Variants in OXR1 observed in about 807,000 individuals in gnomAD.
OXR1 encodes oxidation resistance protein 1.
OXR1 carries 41 observed loss-of-function variants against 104.6 expected under a neutral mutation model. That is an observed-to-expected ratio of 0.39 (90% confidence interval 0.31 to 0.51). OXR1 has a LOEUF of 0.51. Among genes scored for constraint, OXR1 ranks in the 20% least tolerant of loss-of-function variants. The pLI is 0.77. For synonymous variants in OXR1, 348 were observed against 348.4 expected (o/e 1.00, Z 0.01); for missense variants, 955 against 1,031.9 (o/e 0.93, Z 1.02).
chr8:106,529,287 C>T (rs1813919812), intron 3 of OXR1, among the ~76,000 whole-genome samples: 3 of 151,868 alleles, frequency 2.0e-5, no homozygotes, highest in South Asian at 2.1e-4. Context: ...TTGTTGGGGG[C>T]GATATTTGAT....
chr8:106,599,300 T>C (rs1381349679), intron 3 of OXR1, among the ~76,000 whole-genome samples: 1 of 152,170 alleles, frequency 6.6e-6, no homozygotes, highest in African/African-American at 2.4e-5. Flanking sequence ...ACCAGAGTAG[T>C]TTAAAAGTGT....
intron 3 of OXR1, among the ~76,000 whole-genome samples, chr8:106,549,689 G>T (rs1488150553): frequency 6.6e-6 from 1 of 152,164 alleles, no homozygotes; most frequent in Non-Finnish European, 1.5e-5. Flanking sequence ...GCTGCTTCCT[G>T]ATTCATAGAT....
intron 2 of OXR1, among the ~76,000 whole-genome samples, chr8:106,437,426 T>G (rs938303452): frequency 6.6e-6 from 1 of 152,182 alleles, no homozygotes; most frequent in Non-Finnish European, 1.5e-5. Context: ...TCTTACCTTA[T>G]AAGACTGCAC....
chr8:106,732,192 T>C (rs953751524), intron 11 of OXR1, among the ~76,000 whole-genome samples: 1 of 152,132 alleles, frequency 6.6e-6, no homozygotes, highest in Admixed American at 6.5e-5. Flanking sequence ...ATTGCTGATA[T>C]AAAGACCATT....
intron 3 of OXR1, among the ~76,000 whole-genome samples, chr8:106,524,245 AC>A (rs1813483404): frequency 6.6e-6 from 1 of 152,326 alleles, no homozygotes; most frequent in Non-Finnish European, 1.5e-5. Context: ...TTATTTCACT[AC>A]CCTTCATTCA....
At chr8:106,750,727 T>G in intron 16 of OXR1, 79 bp from the exon 17 acceptor site, 1 of 972,348 alleles carries the variant, frequency 1.0e-6, no homozygotes, top group South Asian at 1.7e-5. Context: ...TTTAGGGTTG[T>G]TAGGTATTCA....
chr8:106,737,275 T>C (rs1834468034), intron 11 of OXR1, among the ~76,000 whole-genome samples: 1 of 152,092 alleles, frequency 6.6e-6, no homozygotes, highest in African/African-American at 2.4e-5. Flanking sequence ...TGAATCTATA[T>C]GGAATAGTCC....
intron 11 of OXR1, among the ~76,000 whole-genome samples, chr8:106,721,472 CAG>C (rs1251084340): frequency 1.3e-5 from 2 of 152,020 alleles, no homozygotes; most frequent in Non-Finnish European, 2.9e-5. Context: ...GGGTGTGTAA[CAG>C]TATTTTTCAT....
intron 3 of OXR1, among the ~76,000 whole-genome samples, chr8:106,608,108 C>A (rs1820541415): frequency 6.6e-6 from 1 of 152,076 alleles, no homozygotes; most frequent in Non-Finnish European, 1.5e-5. Context: ...GCAGTGAGAC[C>A]CTCATCTCTA....
chr8:106,740,331 T>C lies in OXR1; in HGVS notation c.2164-12T>C, dbSNP rs950798260. ...AGCTATCAAGTAAATACTAACACTT[T>C]GTTTTCTAAAGCTTACCAAGCATCT... On this transcript the variant is annotated splice_polypyrimidine_tract_variant and intron_variant, in intron 13 of 16. Coordinates refer to ENST00000517566, the MANE Select transcript of OXR1 (RefSeq NM_001198533.2). The C allele has an allele frequency of 2.5e-6, 4 of 1,605,470 alleles. No individual in the cohort carries two copies. The highest frequency in any genetic ancestry group is 3.4e-5 in the Admixed American group (2 of 58,332).
chr8:106,746,813 C>T (rs1010190123), intron 16 of OXR1, among the ~76,000 whole-genome samples: 1 of 152,074 alleles, frequency 6.6e-6, no homozygotes. Flanking sequence ...TCATTCAGCC[C>T]TCCCCTAAAC....
chr8:106,709,330 G>A (rs1831467458), intron 9 of OXR1, among the ~76,000 whole-genome samples: 2 of 151,922 alleles, frequency 1.3e-5, no homozygotes, highest in African/African-American at 4.8e-5. Context: ...GGCTTTAAAG[G>A]CCCTAAAATT....
At chr8:106,329,716 C>T (rs530461710) in intron 1 of OXR1, among the ~76,000 whole-genome samples, 2 of 152,272 alleles carry the variant, frequency 1.3e-5, no homozygotes, top group South Asian at 4.1e-4. Flanking sequence ...CATGCCTAGG[C>T]TCTGGCGAGT....
chr8:106,357,684 A>G (rs538880006), intron 1 of OXR1, among the ~76,000 whole-genome samples: 1 of 152,256 alleles, frequency 6.6e-6, no homozygotes, highest in East Asian at 1.9e-4. Flanking sequence ...ATTAATACTA[A>G]TAGTAATAGG....
chr8:106,484,701 C>G (rs1822341648), intron 2 of OXR1, among the ~76,000 whole-genome samples: 1 of 151,956 alleles, frequency 6.6e-6, no homozygotes, highest in African/African-American at 2.4e-5. Context: ...ACAACAGGAA[C>G]TCTCATTCAT....
chr8:106,556,768 A>T (rs939724943), intron 3 of OXR1, among the ~76,000 whole-genome samples: 3 of 152,156 alleles, frequency 2.0e-5, no homozygotes, highest in Non-Finnish European at 4.4e-5. Flanking sequence ...TGTTTTACAT[A>T]ATCTTTCCTC....
At chr8:106,552,997 A>G (rs1815973831) in intron 3 of OXR1, among the ~76,000 whole-genome samples, 1 of 152,136 alleles carries the variant, frequency 6.6e-6, no homozygotes, top group African/African-American at 2.4e-5. Flanking sequence ...CCTCACACTG[A>G]TCAGAGTGCT....
At chr8:106,667,755 A>G (rs1373311971) in intron 3 of OXR1, among the ~76,000 whole-genome samples, 1 of 152,148 alleles carries the variant, frequency 6.6e-6, no homozygotes, top group Non-Finnish European at 1.5e-5. Context: ...CAAATACTGA[A>G]CTTTAAAAAT....
chr8:106,675,776 G>C (rs559817445), intron 3 of OXR1, among the ~76,000 whole-genome samples: 1 of 152,180 alleles, frequency 6.6e-6, no homozygotes, highest in African/African-American at 2.4e-5. Context: ...GTTGTTTTTG[G>C]GTGGAGAGTT....
Sources: gnomAD v4.1 joint callset for allele counts (sites outside exome capture counted in the v4.1 genomes callset) on GRCh38, gnomAD v4.1.1 for gene constraint, MANE v1.5 for transcripts, NCBI Gene and HGNC (gene_info 2026-07-23, HGNC 2026-07-21) for gene names.